LENG8: variants seen among roughly 807,000 people sequenced by gnomAD.
LENG8 encodes leukocyte receptor cluster (LRC) member 8.
A neutral mutation model predicts 102.1 loss-of-function variants in LENG8; 28 were observed. That is an observed-to-expected ratio of 0.27 (90% CI 0.20 to 0.38). The LOEUF (loss-of-function observed/expected upper bound fraction) is 0.38. Among genes scored for constraint, LENG8 ranks in the 10% least tolerant of loss-of-function variants. The probability of loss-of-function intolerance (pLI) is 1.00; values close to 1 mark genes in which losing one functional copy is unlikely to be tolerated. For synonymous variants in LENG8, 531 were observed against 456.7 expected (o/e 1.16, Z -2.07); for missense variants, 1,022 against 1,113.9 (o/e 0.92, Z 1.17).
chr19:54,460,524 C>T, intron 15 of LENG8: 1 of 1,395,546 alleles, frequency 7.2e-7, no homozygotes, highest in South Asian at 1.6e-5. Flanking sequence ...CGTCCCCGCT[C>T]CTCCCTGGCC....
chr19:54,452,248 G>A lies in LENG8; in HGVS notation c.194G>A (p.Gly65Glu). Residue 65 changes from glycine (G) to glutamate (E), a missense_variant, in exon 3 of 16, where the codon GGG (glycine) becomes GAG (glutamate). By Grantham distance (98) the Gly-to-Glu change is moderately conservative. Around this residue, in one of 7 missense-constraint regions of LENG8, gnomAD observed 343 missense variants for 320.2 expected, o/e 1.07. Transcript: ENST00000326764. The stretch of plus-strand genomic sequence containing the variant: ...GGCTCTGCCAAGTCCAGCAGCAATG[G>A]GCCTGTGGCCAGTGCACAGGTGAGA... ...AGGSAKSSSN[G>E]PVASAQYVSQ... is the part of the protein sequence containing the mutation. The A allele has an allele frequency of 6.2e-7, 1 of 1,612,842 alleles. No homozygotes were observed. The highest frequency in any genetic ancestry group is 8.5e-7 in the Non-Finnish European group (1 of 1,179,352).
chr19:54,450,122 C>T (rs1309224378), intron 1 of LENG8, among the ~76,000 whole-genome samples: 2 of 152,194 alleles, frequency 1.3e-5, no homozygotes, highest in Non-Finnish European at 2.9e-5. Context: ...GTACCCCACT[C>T]TTAATTCGTT....
intron 10 of LENG8, 24 bp downstream of exon 10, chr19:54,456,489 A>G (rs1456983855): frequency 1.3e-6 from 2 of 1,589,226 alleles, no homozygotes; most frequent in Non-Finnish European, 1.7e-6. Flanking sequence ...AGGGCTCGAC[A>G]CACGGGCCAG....
At chr19:54,455,644 GC>G in intron 8 of LENG8, 77 bp downstream of exon 8, 2 of 1,310,672 alleles carry the variant, frequency 1.5e-6, no homozygotes, top group Non-Finnish European at 2.1e-6. Context: ...TAGGAGAGTT[GC>G]GGGTCCCAGG....
rs754470242 is a variant in LENG8 at position 54,461,293 on chromosome 19, C to T, written c.*365C>T. On this transcript the variant is annotated 3_prime_UTR_variant, in exon 16 of 16. Transcript: ENST00000326764. The stretch of plus-strand genomic sequence containing the variant: ...ACCCGGCGCCCTGGCCCATCCCATG[C>T]CGGGGGGCCAGTGGAAAGAAGACAG... 2.4e-4 allele frequency: 113 copies of T among 469,706 alleles called. 1 individual carries two copies. The Middle Eastern group carries it at 5.4e-3, about 23-fold the overall frequency. The allele number at this position is 469,706 out of a possible 1,614,324, so 29.1% of individuals were successfully genotyped here. A position where few individuals can be genotyped will look rare whatever the true frequency, so the allele number is the denominator to read the frequency against.
At chr19:54,458,688 C>G (rs1162338352) in intron 15 of LENG8, 167 bp downstream of exon 15, 2 of 1,551,458 alleles carry the variant, frequency 1.3e-6, no homozygotes, top group Non-Finnish European at 1.7e-6. Context: ...TCCAGTTCCT[C>G]TTGCTCTCCT....
intron 15 of LENG8, chr19:54,459,249 C>G: frequency 9.6e-7 from 1 of 1,045,068 alleles, no homozygotes; most frequent in Non-Finnish European, 1.2e-6. Context: ...GGGATGCTGC[C>G]CTGCCACTGC....
chr19:54,456,609 C>T lies in LENG8; in HGVS notation c.1446-27C>T, dbSNP rs139704401. ...GAAGGGGGGCTGGAGACGCCTGTCG[C>T]GCTCACTGCCCCTCATCCCTTCCTA... On this transcript the variant is annotated intron_variant, in intron 10 of 15. Coordinates refer to ENST00000326764, the MANE Select transcript of LENG8 (RefSeq NM_052925.4). The T allele has an allele frequency of 1.9e-3, 3,064 of 1,591,256 alleles. 34 individuals are homozygous for T. The Middle Eastern group carries it at 0.02, about 11-fold the overall frequency.
chr19:54,460,689 G>T, intron 15 of LENG8, 77 bp from the exon 16 acceptor site: 3 of 1,448,990 alleles, frequency 2.1e-6, no homozygotes, highest in Non-Finnish European at 2.7e-6. Flanking sequence ...CCCGAATGGG[G>T]GGGCCTCCCC....
At chr19:54,455,133 G>T (rs764635504) in intron 7 of LENG8, 41 bp downstream of exon 7, 8 of 1,612,204 alleles carry the variant, frequency 5.0e-6, no homozygotes, top group Non-Finnish European at 2.5e-6. Flanking sequence ...CCCACACTCT[G>T]CACTCAGCGT....
Position 54,455,069 on chromosome 19 carries a change from C to T in LENG8, c.798C>T (p.Asn266=). The part of the protein sequence containing the change: ...GQHSGFGPQP[N]PEKVQNHSGS... ...ACAGTGGTTTTGGCCCCCAGCCCAA[C>T]CCTGAGAAAGTTCAGAACCACAGGT... The change falls in exon 7 of 16, where the codon AAC becomes AAT. Residue 266 remains asparagine, a synonymous_variant. Transcript: ENST00000326764. 6.2e-7 allele frequency: 1 copy of T among 1,614,238 alleles called. No homozygotes were observed. Among genetic ancestry groups the T allele is most frequent in the Non-Finnish European group, 8.5e-7 (1 of 1,180,044 alleles).
In LENG8 at chr19:54,458,410, A is replaced by G; in HGVS notation, c.2129A>G (p.Asn710Ser). ...LALRTAWALG[N>S]YHRFFRLYCH... Reference sequence around the variant, plus strand: ...TTAAGGACAGCCTGGGCCCTGGGCAACTACCACCGCTTTTTCCGGCTCTAC... The same window carrying G: ...TTAAGGACAGCCTGGGCCCTGGGCAGCTACCACCGCTTTTTCCGGCTCTAC... The change falls in exon 15 of 16, where the codon AAC becomes AGC. Residue 710 changes from asparagine (N) to serine (S), a missense_variant. Around this residue, in one of 7 missense-constraint regions of LENG8, gnomAD observed 158 missense variants for 229.0 expected, o/e 0.69. Coordinates refer to ENST00000326764, the MANE Select transcript of LENG8 (RefSeq NM_052925.4). 2.5e-6 allele frequency: 4 copies of G among 1,614,224 alleles called. No individual in the cohort carries two copies. Among genetic ancestry groups the G allele is most frequent in the South Asian group, 2.2e-5 (2 of 91,084 alleles).
chr19:54,456,722 A>G lies in LENG8; in HGVS notation c.1532A>G (p.Lys511Arg), dbSNP rs2084268779. 6.2e-7 allele frequency: 1 copy of G among 1,612,884 alleles called. No individual in the cohort carries two copies. Among genetic ancestry groups the G allele is most frequent in the Non-Finnish European group, 8.5e-7 (1 of 1,179,694 alleles). Residue 511 changes from lysine to arginine, a missense_variant, in exon 11 of 16, where the codon AAG becomes AGG. Transcript: ENST00000326764. ...CCGGAGCGAGAGCTGAAGAAGCAGA[A>G]GCGGGCAGCCCGCTTCCAGCACGGA... ...EDPERELKKQ[K>R]RAARFQHGHS...
Position 54,461,081 on chromosome 19 carries a change from G to T in LENG8, c.*153G>T. On this transcript the variant is annotated 3_prime_UTR_variant, in exon 16 of 16. Coordinates refer to ENST00000326764, the MANE Select transcript of LENG8 (RefSeq NM_052925.4). The stretch of plus-strand genomic sequence containing the variant: ...ATCCCTGCCCCCGTTTTCCCACCGG[G>T]GAGTCTGTACAGAGATTTTTCTACG... The T allele has an allele frequency of 8.6e-7, 1 of 1,160,600 alleles. No individual in the cohort carries two copies. The highest frequency in any genetic ancestry group is 1.2e-6 in the Non-Finnish European group (1 of 814,000). 71.9% of individuals were successfully genotyped at this position (1,160,600 alleles called of 1,614,324 possible).
At chr19:54,452,372 C>T in intron 3 of LENG8, 105 bp downstream of exon 3, 1 of 1,048,002 alleles carries the variant, frequency 9.5e-7, no homozygotes, top group Non-Finnish European at 1.4e-6. Context: ...TGAGGGGAAA[C>T]ATGAAAAGAC....
chr19:54,449,579 G>C (rs903063269), intron 1 of LENG8: 1 of 152,176 alleles, frequency 6.6e-6, no homozygotes, highest in Non-Finnish European at 1.5e-5. Context: ...CTCACTCGCC[G>C]TTGACCGGGT....
chr19:54,455,616 A>G (rs771548055), intron 8 of LENG8, 49 bp downstream of exon 8: 2 of 1,516,888 alleles, frequency 1.3e-6, no homozygotes, highest in Admixed American at 1.9e-5. Context: ...TGTGAGAGGC[A>G]TGGGCTGGGT....
In LENG8 at chr19:54,452,073, G is replaced by T; in HGVS notation, c.39-20G>T. On this transcript the variant is annotated intron_variant, in intron 2 of 15. Coordinates refer to ENST00000326764, the MANE Select transcript of LENG8 (RefSeq NM_052925.4). ...ACAGTGGGGAGAACAGGTGTGACTT[G>T]ATGTCCTCTCTCTCTGCAGGTCTTC... 6.3e-7 allele frequency: 1 copy of T among 1,598,174 alleles called. No homozygotes were observed. The highest frequency in any genetic ancestry group is 1.7e-4 in the Middle Eastern group (1 of 6,002).
In LENG8 at chr19:54,452,242, G is replaced by T. The variant is rs572649811; in HGVS notation, c.188G>T (p.Ser63Ile). 6.1e-5 allele frequency: 98 copies of T among 1,613,334 alleles called. No homozygotes were observed. In the East Asian group the frequency reaches 2.1e-3, roughly 35 times the overall value. Residue 63 changes from serine (S) to isoleucine (I), a missense_variant, in exon 3 of 16, where the codon AGC becomes ATC. Transcript: ENST00000326764. The stretch of plus-strand genomic sequence containing the variant: ...GCCGGCGGCTCTGCCAAGTCCAGCA[G>T]CAATGGGCCTGTGGCCAGTGCACAG... Reference protein sequence around the residue: ...GAAGGSAKSSSNGPVASAQYV... With the variant: ...GAAGGSAKSSINGPVASAQYV...
Sources: allele counts gnomAD v4.1 joint callset (sites outside exome capture counted in the v4.1 genomes callset), GRCh38; gene constraint gnomAD v4.1.1; regional missense constraint gnomAD v4.1.1; transcripts MANE v1.5; gene names NCBI Gene and HGNC (gene_info 2026-07-23, HGNC 2026-07-21).